The following IRAK1BP1 variants were observed in gnomAD, a reference collection of about 807,000 sequenced individuals.
The protein encoded by IRAK1BP1 is interleukin-1 receptor-associated kinase 1-binding protein 1.
In IRAK1BP1, 24 loss-of-function variants were observed where a neutral mutation model predicts 28.0. That is an observed-to-expected ratio of 0.86 (90% CI 0.62 to 1.20). The LOEUF is 1.20. IRAK1BP1 is among the 50% of genes most tolerant of loss of function. The probability of loss-of-function intolerance (pLI) is 0.00; values close to 1 mark genes in which losing one functional copy is unlikely to be tolerated. For missense variants in IRAK1BP1, 336 were observed against 316.7 expected (o/e 1.06, Z -0.46); for synonymous variants, 131 against 116.3 (o/e 1.13, Z -0.81).
At chr6:78,938,630 C>G (rs972469339) in intron 4 of IRAK1BP1, 1 of 151,548 alleles carries the variant, frequency 6.6e-6, no homozygotes. Flanking sequence ...ATCAAGCCAT[C>G]CATTTCTGCA....
At chr6:78,891,207 G>C (rs77676740) in intron 2 of IRAK1BP1, among the ~76,000 whole-genome samples, 3,148 of 152,198 alleles carry the variant, frequency 0.021, 47 homozygotes, top group Non-Finnish European at 0.03. Context: ...TAACTCCCAG[G>C]AATTCAATGA....
chr6:78,887,181 A>G (rs568443400), intron 2 of IRAK1BP1, among the ~76,000 whole-genome samples: 1 of 152,200 alleles, frequency 6.6e-6, no homozygotes, highest in Admixed American at 6.5e-5. Context: ...TATACAACTC[A>G]GTAGAAGAAA....
downstream of IRAK1BP1, among the ~76,000 whole-genome samples, chr6:78,907,840 C>A (rs1036636705): frequency 2.0e-5 from 3 of 151,628 alleles, no homozygotes; most frequent in African/African-American, 7.3e-5. Flanking sequence ...CTGCCTCAGC[C>A]TCCCCAGTAG....
intron 1 of IRAK1BP1, 93 bp from the exon 2 acceptor site, chr6:78,885,285 T>C (rs1324407271): frequency 7.5e-6 from 5 of 665,872 alleles, no homozygotes; most frequent in Non-Finnish European, 1.3e-5. Flanking sequence ...TTTATGTTTT[T>C]CTGATTTTAA....
At chr6:78,956,578 C>T in the IRAK1BP1 span, 2 of 152,044 alleles carry the variant, frequency 1.3e-5, no homozygotes, top group African/African-American at 2.4e-5. Flanking sequence ...TCAAAGCCAC[C>T]CACGATGTGG....
chr6:78,924,294 C>T (rs574263984), intron 4 of IRAK1BP1, among the ~76,000 whole-genome samples: 20 of 152,176 alleles, frequency 1.3e-4, no homozygotes, highest in Admixed American at 3.3e-4. Context: ...AACACCTCTA[C>T]GCAAATAAAC....
chr6:78,965,769 A>C, the IRAK1BP1 span: 7 of 1,502,604 alleles, frequency 4.7e-6, no homozygotes, highest in Non-Finnish European at 6.4e-6. Flanking sequence ...TCCCAGCTTA[A>C]AGAAAGAAAA....
chr6:78,873,573 G>A (rs1285052613), intron 1 of IRAK1BP1, among the ~76,000 whole-genome samples: 1 of 151,904 alleles, frequency 6.6e-6, no homozygotes. Context: ...AAAACTCCGG[G>A]GCTCAAGCTA....
chr6:78,904,750 A>G (rs1244647067), downstream of IRAK1BP1, among the ~76,000 whole-genome samples: 1 of 152,242 alleles, frequency 6.6e-6, no homozygotes, highest in Non-Finnish European at 1.5e-5. Context: ...CAAATTAATC[A>G]TGAAAACTTC....
intron 4 of IRAK1BP1, among the ~76,000 whole-genome samples, chr6:78,912,976 T>C (rs1308994939): frequency 1.3e-5 from 2 of 152,164 alleles, no homozygotes; most frequent in East Asian, 1.9e-4. Flanking sequence ...AGCATATATA[T>C]GTGGGTGTGT....
At chr6:78,976,221 C>T in the IRAK1BP1 span, among the ~76,000 whole-genome samples, 1 of 148,518 alleles carries the variant, frequency 6.7e-6, no homozygotes, top group African/African-American at 2.4e-5. Flanking sequence ...AATAACGCCG[C>T]ATATCTACAA....
At chr6:78,887,077 G>A (rs1771454961) in intron 2 of IRAK1BP1, among the ~76,000 whole-genome samples, 1 of 152,108 alleles carries the variant, frequency 6.6e-6, no homozygotes, top group Non-Finnish European at 1.5e-5. Flanking sequence ...TTATGACTAT[G>A]GATTTAGCAA....
intron 1 of IRAK1BP1, among the ~76,000 whole-genome samples, chr6:78,873,212 G>A (rs926772319): frequency 4.4e-5 from 5 of 113,456 alleles, no homozygotes; most frequent in African/African-American, 6.8e-5. Flanking sequence ...CTGAGATCAC[G>A]CCACTGCACT....
At position 78,931,426 on chromosome 6, in the gene IRAK1BP1, G is replaced by C. The variant is rs1232406757; in HGVS notation, c.*68-13982G>C. Among the ~76,000 whole-genome samples, 3 of 152,074 alleles carry C rather than the reference G, an allele frequency of 2.0e-5. No homozygotes were observed. In the East Asian group the frequency reaches 5.8e-4, roughly 29 times the overall value. ...ACCCTGTCTCAAAAAACAAGAAAAA[G>C]AAGTAGGGTATTTTACACTAAAATT... On this transcript the variant is annotated intron_variant and NMD_transcript_variant, in intron 4 of 4. Coordinates refer to the IRAK1BP1 transcript ENST00000606868.
At chr6:78,942,816 G>A (rs1021835707) in intron 4 of IRAK1BP1, among the ~76,000 whole-genome samples, 3 of 152,164 alleles carry the variant, frequency 2.0e-5, no homozygotes, top group African/African-American at 7.2e-5. Context: ...CCCAAATTTT[G>A]TATGGATATG....
chr6:78,916,511 T>C (rs1772565295), intron 4 of IRAK1BP1, among the ~76,000 whole-genome samples: 1 of 152,184 alleles, frequency 6.6e-6, no homozygotes, highest in Admixed American at 6.5e-5. Context: ...TAATATAATA[T>C]GGGAATAATA....
the IRAK1BP1 span, among the ~76,000 whole-genome samples, chr6:78,963,504 C>G: frequency 6.6e-6 from 1 of 152,028 alleles, no homozygotes; most frequent in Admixed American, 6.6e-5. Flanking sequence ...GCTCTGTAAT[C>G]AAGTACATGT....
At chr6:78,942,440 G>A (rs1416753300) in intron 4 of IRAK1BP1, among the ~76,000 whole-genome samples, 2 of 152,226 alleles carry the variant, frequency 1.3e-5, no homozygotes, top group South Asian at 4.1e-4. Flanking sequence ...CTGAGATCAC[G>A]CCACTGCACT....
At chr6:78,878,578 A>G (rs1181400144) in intron 1 of IRAK1BP1, among the ~76,000 whole-genome samples, 1 of 152,230 alleles carries the variant, frequency 6.6e-6, no homozygotes, top group Non-Finnish European at 1.5e-5. Flanking sequence ...TCTAAAAATC[A>G]GAGTGCCTTT....
Sources: gnomAD v4.1 joint callset for allele counts (sites outside exome capture counted in the v4.1 genomes callset) on GRCh38, gnomAD v4.1.1 for gene constraint, MANE v1.5 for transcripts, NCBI Gene and HGNC (gene_info 2026-07-23, HGNC 2026-07-21) for gene names.